Variants in EPS15L1 observed in about 807,000 individuals in gnomAD.
The protein encoded by EPS15L1 is epidermal growth factor receptor substrate 15-like 1.
EPS15L1 carries 43 observed loss-of-function variants against 117.1 expected under a neutral mutation model. That is an observed-to-expected ratio of 0.37 (90% CI 0.29 to 0.47). The LOEUF (loss-of-function observed/expected upper bound fraction) is 0.47, where lower values mean the gene tolerates loss of function less well. Among genes scored for constraint, EPS15L1 ranks in the 20% least tolerant of loss-of-function variants. EPS15L1 has a pLI of 0.99. For missense variants in EPS15L1, 981 were observed against 1,164.0 expected, an observed-to-expected ratio of 0.84 and a Z score of 2.29; for synonymous variants, 459 against 470.5, an observed-to-expected ratio of 0.98 and a Z score of 0.32.
chr19:16,468,999 G>A (rs550209332), intron 1 of EPS15L1, among the ~76,000 whole-genome samples: 14 of 152,274 alleles, frequency 9.2e-5, no homozygotes, highest in Non-Finnish European at 1.6e-4. Context: ...CAGCCTGGGG[G>A]ACAGAGCGAG....
chr19:16,430,096 C>A (rs1160183479), intron 7 of EPS15L1, among the ~76,000 whole-genome samples: 2 of 152,226 alleles, frequency 1.3e-5, no homozygotes, highest in Non-Finnish European at 2.9e-5. Flanking sequence ...GGCCTCTGTG[C>A]CTTCACTCAA....
chr19:16,437,483 G>C (rs1239162704), intron 5 of EPS15L1, among the ~76,000 whole-genome samples: 2 of 152,174 alleles, frequency 1.3e-5, no homozygotes, highest in Non-Finnish European at 2.9e-5. Context: ...CGACTGGGAG[G>C]GGGAGACAAG....
At chr19:16,362,511 CTTTTTTTTT>C (rs71178690) in intron 22 of EPS15L1, among the ~76,000 whole-genome samples, 4 of 56,036 alleles carry the variant, frequency 7.1e-5, no homozygotes, top group African/African-American at 1.3e-4. Context: ...GGTTTAAGTT[CTTTTTTTTT>C]TTTTTTTTTT....
At chr19:16,413,606 T>C in intron 13 of EPS15L1, 167 bp downstream of exon 13, 1 of 747,724 alleles carries the variant, frequency 1.3e-6, no homozygotes, top group Non-Finnish European at 2.2e-6. Context: ...TAAAGTGAAT[T>C]CAGCCTGAAA....
intron 16 of EPS15L1, chr19:16,401,451 G>C: frequency 1.0e-6 from 1 of 985,706 alleles, no homozygotes; most frequent in Non-Finnish European, 1.2e-6. Flanking sequence ...GCTCCAGGGA[G>C]GAGCCCTGGG....
intron 7 of EPS15L1, 134 bp from the exon 8 acceptor site, chr19:16,428,895 A>G (rs1244879484): frequency 7.5e-5 from 50 of 666,910 alleles, no homozygotes. Context: ...ACATTTCAGG[A>G]CCAGTCCGCG....
chr19:16,362,044 A>G (rs1333824463), intron 22 of EPS15L1, 60 bp from the exon 23 acceptor site: 3 of 1,483,436 alleles, frequency 2.0e-6, no homozygotes, highest in East Asian at 4.6e-5. Flanking sequence ...ACTCACCCGG[A>G]CAGAGCAGAA....
intron 7 of EPS15L1, among the ~76,000 whole-genome samples, chr19:16,429,069 G>GA (rs143952641): frequency 0.14 from 20,879 of 152,064 alleles, 1,512 homozygotes; most frequent in Non-Finnish European, 0.15. Context: ...AGACATCTTA[G>GA]AAAAGACAGC....
chr19:16,426,052 G>A (rs1472480955), intron 8 of EPS15L1, among the ~76,000 whole-genome samples: 3 of 152,208 alleles, frequency 2.0e-5, no homozygotes, highest in Non-Finnish European at 4.4e-5. Context: ...GGTGTTGACC[G>A]TATCAAGGCG....
Position 16,411,128 on chromosome 19 carries a change from G to A in EPS15L1, c.1266+2645C>T, listed in dbSNP as rs1280251381. ...GATAAATGCAAACAGGTGTTCGCAC[G>A]AAAACCTGCAGACAAATGTTCCTAG... On this transcript the variant is annotated intron_variant, in intron 13 of 23. Transcript: ENST00000455140. Among the ~76,000 whole-genome samples the A allele has an allele frequency of 5.3e-5, 8 of 152,044 alleles. No homozygotes were observed. In the South Asian group the frequency reaches 8.3e-4, roughly 16 times the overall value.
At chr19:16,398,040 G>T (rs2092558331) in intron 16 of EPS15L1, among the ~76,000 whole-genome samples, 1 of 152,154 alleles carries the variant, frequency 6.6e-6, no homozygotes, top group Non-Finnish European at 1.5e-5. Context: ...CAAAAATAGG[G>T]ACAATGGTGT....
intron 1 of EPS15L1, among the ~76,000 whole-genome samples, chr19:16,466,288 T>A (rs1287747895): frequency 6.6e-6 from 1 of 152,156 alleles, no homozygotes; most frequent in African/African-American, 2.4e-5. Flanking sequence ...AAGATAATAC[T>A]GGCCAGAGTG....
At chr19:16,413,618 A>G (rs1424079806) in intron 13 of EPS15L1, 155 bp downstream of exon 13, 3 of 768,472 alleles carry the variant, frequency 3.9e-6, no homozygotes, top group Non-Finnish European at 6.4e-6. Flanking sequence ...AGCCTGAAAA[A>G]AAAAAAAACA....
chr19:16,410,205 G>A (rs914235410), intron 13 of EPS15L1, among the ~76,000 whole-genome samples: 2 of 151,968 alleles, frequency 1.3e-5, no homozygotes, highest in African/African-American at 4.8e-5. Context: ...GCAAGGAATC[G>A]GAATGATTTT....
At position 16,377,125 on chromosome 19, in the gene EPS15L1, T is replaced by C; in HGVS notation, c.2377A>G (p.Ser793Gly). ...KPAPPRPKPP[S>G]GKSTPVSQLG... is the part of the protein sequence containing the mutation. ...CGAGAGAAGAAAGCTTACTGACCGC[T>C]GGGCGGTTTAGGCCGTGGAGGAGCA... The change falls in exon 22 of 24, where the codon AGC becomes GGC. Residue 793 changes from serine (S) to glycine (G), a missense_variant. Coordinates refer to ENST00000455140, the MANE Select transcript of EPS15L1 (RefSeq NM_001258374.3). The C allele has an allele frequency of 6.3e-7, 1 of 1,599,688 alleles. No individual in the cohort carries two copies. The highest frequency in any genetic ancestry group is 8.5e-7 in the Non-Finnish European group (1 of 1,174,934).
At chr19:16,361,669 C>T (rs886714191) in intron 23 of EPS15L1, 110 bp downstream of exon 23, 1 of 1,458,646 alleles carries the variant, frequency 6.9e-7, no homozygotes, top group African/African-American at 1.4e-5. Flanking sequence ...GTGTGAGGTA[C>T]CAAGAGGCTA....
intron 10 of EPS15L1, 34 bp downstream of exon 10, chr19:16,421,285 C>G: frequency 6.3e-7 from 1 of 1,581,002 alleles, no homozygotes; most frequent in Non-Finnish European, 8.6e-7. Context: ...CCTGGAGCCA[C>G]CCACAGCCAC....
At chr19:16,392,968 G>A (rs1442285093) in intron 18 of EPS15L1, among the ~76,000 whole-genome samples, 1 of 151,896 alleles carries the variant, frequency 6.6e-6, no homozygotes, top group African/African-American at 2.4e-5. Context: ...CTTGAGCCCA[G>A]GAGGTCAAGG....
At chr19:16,428,351 C>T (rs959149050) in intron 8 of EPS15L1, among the ~76,000 whole-genome samples, 4 of 146,608 alleles carry the variant, frequency 2.7e-5, no homozygotes, top group South Asian at 4.3e-4. Flanking sequence ...GCCAGCCTGG[C>T]GATAGAGTGA....
Sources: gnomAD v4.1 joint callset for allele counts (sites outside exome capture counted in the v4.1 genomes callset) on GRCh38, gnomAD v4.1.1 for gene constraint, MANE v1.5 for transcripts, NCBI Gene and HGNC (gene_info 2026-07-23, HGNC 2026-07-21) for gene names.